Variants in PHF24 observed in about 807,000 individuals in gnomAD.
PHF24 encodes the protein Galpha inhibitory interacting protein.
A neutral mutation model predicts 42.6 loss-of-function variants in PHF24; 25 were observed. The observed-to-expected ratio is 0.59, with a 90% CI of 0.43 to 0.82. PHF24 has a LOEUF of 0.82. PHF24 is among the 40% of genes least tolerant of loss of function. PHF24 has a pLI of 0.00. For synonymous variants in PHF24, 185 were observed against 204.8 expected (o/e 0.90, Z 0.83); for missense variants, 470 against 538.1 (o/e 0.87, Z 1.25).
the PHF24 span, among the ~76,000 whole-genome samples, chr9:34,898,063 C>T: frequency 6.6e-6 from 1 of 152,062 alleles, no homozygotes. Flanking sequence ...GTTTCTTTAC[C>T]CACTCATTGA....
At chr9:34,675,278 G>A in the PHF24 span, among the ~76,000 whole-genome samples, 1 of 152,158 alleles carries the variant, frequency 6.6e-6, no homozygotes, top group Non-Finnish European at 1.5e-5. Context: ...CAACCTCATG[G>A]GGCCTGCAGA....
At chr9:34,881,787 A>G in the PHF24 span, among the ~76,000 whole-genome samples, 1 of 152,222 alleles carries the variant, frequency 6.6e-6, no homozygotes, top group Non-Finnish European at 1.5e-5. Context: ...AGAGGTACAA[A>G]GAGGAGCTGG....
chr9:34,736,698 A>G, the PHF24 span, among the ~76,000 whole-genome samples: 1 of 152,250 alleles, frequency 6.6e-6, no homozygotes, highest in Non-Finnish European at 1.5e-5. Flanking sequence ...ACAGACCTAG[A>G]CATGTATTAT....
chr9:34,895,705 A>G, the PHF24 span: 6 of 404,756 alleles, frequency 1.5e-5, no homozygotes, highest in Non-Finnish European at 2.2e-5. Flanking sequence ...CCCACAAAAC[A>G]AAGGTAGGGC....
At chr9:34,967,591 A>C (rs1035658484) in intron 1 of PHF24, among the ~76,000 whole-genome samples, 2 of 152,186 alleles carry the variant, frequency 1.3e-5, no homozygotes, top group Non-Finnish European at 2.9e-5. Flanking sequence ...ATTATCTGTC[A>C]GTTTTGTATT....
At chr9:34,707,894 G>A in the PHF24 span, among the ~76,000 whole-genome samples, 1 of 152,108 alleles carries the variant, frequency 6.6e-6, no homozygotes, top group Non-Finnish European at 1.5e-5. Flanking sequence ...ACAATGCCCG[G>A]CTAATTTTTG....
the PHF24 span, chr9:34,690,484 G>A: frequency 1.3e-6 from 1 of 767,402 alleles, no homozygotes; most frequent in Non-Finnish European, 2.1e-6. Flanking sequence ...TGGGGTCGGG[G>A]AGGAGTTAGA....
intron 3 of PHF24, among the ~76,000 whole-genome samples, chr9:34,974,074 T>C (rs915881379): frequency 5.9e-5 from 9 of 152,186 alleles, no homozygotes; most frequent in African/African-American, 2.2e-4. Flanking sequence ...GGTGCGATCG[T>C]AGCACTGCAG....
chr9:34,673,491 G>A, the PHF24 span, among the ~76,000 whole-genome samples: 1 of 151,802 alleles, frequency 6.6e-6, no homozygotes. Flanking sequence ...GTTTTTTTAA[G>A]ATGGAGCCTC....
upstream of PHF24, among the ~76,000 whole-genome samples, chr9:34,956,917 T>C (rs1587453130): frequency 6.6e-6 from 1 of 152,224 alleles, no homozygotes; most frequent in Non-Finnish European, 1.5e-5. Context: ...GACTGAGAAA[T>C]AGGAGCTTGC....
At chr9:34,968,274 A>G (rs1404815038) in intron 1 of PHF24, among the ~76,000 whole-genome samples, 1 of 152,242 alleles carries the variant, frequency 6.6e-6, no homozygotes, top group Non-Finnish European at 1.5e-5. Context: ...AATGAAAAAA[A>G]GATTTCTTAA....
chr9:34,723,624 G>A, the PHF24 span: 1 of 1,551,724 alleles, frequency 6.4e-7, no homozygotes, highest in East Asian at 2.4e-5. Context: ...GACTCTGTAA[G>A]GCTGGGCTTC....
the PHF24 span, chr9:34,724,917 T>A: frequency 1.3e-6 from 2 of 1,550,886 alleles, no homozygotes; most frequent in Non-Finnish European, 1.7e-6. Flanking sequence ...CGTAAAGTTG[T>A]CTCCAGTTTC....
the PHF24 span, chr9:34,893,188 G>T: frequency 2.1e-6 from 1 of 481,966 alleles, no homozygotes; most frequent in Non-Finnish European, 3.6e-6. Context: ...TAATGATGGA[G>T]TGACATCTGC....
At chr9:34,706,947 A>T in the PHF24 span, among the ~76,000 whole-genome samples, 1 of 151,778 alleles carries the variant, frequency 6.6e-6, no homozygotes, top group Non-Finnish European at 1.5e-5. Flanking sequence ...CTATGATCCT[A>T]CCTTTGCACT....
chr9:34,747,674 C>A, the PHF24 span, among the ~76,000 whole-genome samples: 2 of 152,254 alleles, frequency 1.3e-5, no homozygotes, highest in East Asian at 3.9e-4. Flanking sequence ...TCTGGAGCAA[C>A]TGAAACTCCC....
At chr9:34,976,651 G>T (rs201976530) in exon 5 of PHF24, 80 of 1,614,100 alleles carry the variant, frequency 5.0e-5, no homozygotes, top group Non-Finnish European at 6.6e-5. Context: ...CCAGTTTGCT[G>T]CCCTGGACCC....
chr9:34,918,846 A>G, the PHF24 span, among the ~76,000 whole-genome samples: 3 of 152,342 alleles, frequency 2.0e-5, no homozygotes, highest in African/African-American at 7.2e-5. Context: ...CAGCATGAAC[A>G]GTCCTTATGA....
the PHF24 span, among the ~76,000 whole-genome samples, chr9:34,867,550 A>G: frequency 6.6e-6 from 1 of 152,194 alleles, no homozygotes. Context: ...TGGATTTCCT[A>G]AGGAACAGCC....
Sources: gnomAD v4.1 joint callset for allele counts (sites outside exome capture counted in the v4.1 genomes callset) on GRCh38, gnomAD v4.1.1 for gene constraint, MANE v1.5 for transcripts, NCBI Gene and HGNC (gene_info 2026-07-23, HGNC 2026-07-21) for gene names.